TP53BP1: variants seen among roughly 807,000 people sequenced by gnomAD.
TP53BP1 encodes tumor protein p53 binding protein 1.
TP53BP1 carries 61 observed loss-of-function variants against 200.8 expected under a neutral mutation model. The ratio of observed to expected loss-of-function variants is 0.30; its 90% confidence interval spans 0.25 to 0.38. The LOEUF is 0.38. TP53BP1 is among the 10% of genes least tolerant of loss of function. TP53BP1 has a pLI of 1.00. For missense variants in TP53BP1, 2,144 were observed against 2,371.9 expected (o/e 0.90, Z 2.00); for synonymous variants, 822 against 844.3 (o/e 0.97, Z 0.46).
chr15:43,465,977 C>T (rs539134061), intron 11 of TP53BP1, among the ~76,000 whole-genome samples: 2 of 152,276 alleles, frequency 1.3e-5, no homozygotes, highest in East Asian at 3.9e-4. Context: ...TTAACAGCAG[C>T]ACTGGAAGTT....
chr15:43,497,224 T>C (rs1445918488), upstream of TP53BP1, among the ~76,000 whole-genome samples: 2 of 152,066 alleles, frequency 1.3e-5, no homozygotes, highest in Non-Finnish European at 2.9e-5. Flanking sequence ...TGAAACCCCG[T>C]CTCTATTAAA....
rs1255023568 is a variant in TP53BP1 at position 43,456,307 on chromosome 15, TTTC to T, written c.2298_2300del (p.Lys767del). 6.2e-7 allele frequency: 1 copy of T among 1,614,134 alleles called. No individual in the cohort carries two copies. ...AAACATCAACTCTGGGAGATGGCTC[TTTC>T]ACATCTACAATGACAACACTGGAGT... On this transcript the variant is annotated inframe_deletion, in exon 12 of 28. Transcript: ENST00000382044.
In TP53BP1 at chr15:43,403,988, G is replaced by C; in HGVS notation, c.*3395C>G. ...GCAGGTAATACTGTGCCACCTCACAGTGCTCAAAAATAGTTCAGTCCTGAA... is the reference window on the plus strand; with the variant it reads ...GCAGGTAATACTGTGCCACCTCACACTGCTCAAAAATAGTTCAGTCCTGAA... On this transcript the variant is annotated 3_prime_UTR_variant, in exon 28 of 28. Transcript: ENST00000382044. The C allele has an allele frequency of 1.7e-6, 1 of 591,552 alleles. No homozygotes were observed. Among genetic ancestry groups the C allele is most frequent in the Admixed American group, 3.0e-5 (1 of 33,876 alleles). The allele number at this position is 591,552 out of a possible 1,614,324, so 36.6% of individuals were successfully genotyped here.
At chr15:43,482,191 T>C (rs975200607) in intron 4 of TP53BP1, among the ~76,000 whole-genome samples, 1 of 151,898 alleles carries the variant, frequency 6.6e-6, no homozygotes, top group Non-Finnish European at 1.5e-5. Flanking sequence ...ATCGCGCCAC[T>C]GCACTCCAGC....
At position 43,420,536 on chromosome 15, in the gene TP53BP1, C is replaced by G; in HGVS notation, c.4450G>C (p.Ala1484Pro). ...AAAGPSDGLDASSPGNSFVGL... is the reference protein window; with the variant it reads ...AAAGPSDGLDPSSPGNSFVGL... ...ACAAAGCTATTTCCTGGAGAGGAGGCATCTAAGCCATCAGAAGGGCCAGCA... is the reference window on the plus strand; with the variant it reads ...ACAAAGCTATTTCCTGGAGAGGAGGGATCTAAGCCATCAGAAGGGCCAGCA... Residue 1484 changes from alanine to proline, a missense_variant, in exon 21 of 28, where the codon GCC becomes CCC. Ala to Pro is a conservative substitution (Grantham distance 27). Around this residue, in one of 4 missense-constraint regions of TP53BP1, gnomAD observed 49 missense variants for 60.7 expected, o/e 0.81. Coordinates refer to ENST00000382044, the MANE Select transcript of TP53BP1 (RefSeq NM_001141980.3). The G allele has an allele frequency of 6.2e-7, 1 of 1,614,170 alleles. No homozygotes were observed. Among genetic ancestry groups the G allele is most frequent in the Non-Finnish European group, 8.5e-7 (1 of 1,180,030 alleles).
intron 4 of TP53BP1, among the ~76,000 whole-genome samples, chr15:43,485,033 A>C (rs1460725036): frequency 3.3e-5 from 5 of 152,086 alleles, no homozygotes; most frequent in Admixed American, 2.0e-4. Flanking sequence ...CAAATGTCCT[A>C]TCAATGAAGC....
intron 1 of TP53BP1, among the ~76,000 whole-genome samples, chr15:43,506,667 A>G (rs1365715316): frequency 6.6e-6 from 1 of 152,220 alleles, no homozygotes; most frequent in Admixed American, 6.5e-5. Context: ...GAGAGCTCCC[A>G]AAAGATCATA....
In TP53BP1 at chr15:43,438,308, TA is replaced by T. The variant is rs2045847822; in HGVS notation, c.3191+15del. On this transcript the variant is annotated intron_variant, in intron 16 of 27. Transcript: ENST00000382044. ...AACCAATGGAGCCCAAAAGATTCTA[TA>T]AAAATAATGCTTACCTGATGGGTGT... 3 of 1,610,670 alleles carry T rather than the reference TA, an allele frequency of 1.9e-6. No individual in the cohort carries two copies. Among genetic ancestry groups the T allele is most frequent in the African/African-American group, 2.7e-5 (2 of 74,828 alleles).
intron 1 of TP53BP1, among the ~76,000 whole-genome samples, chr15:43,508,239 A>G (rs987187092): frequency 2.6e-5 from 4 of 152,144 alleles, no homozygotes; most frequent in African/African-American, 7.2e-5. Context: ...GCACGCCTGT[A>G]GTCCCAGCTA....
intron 21 of TP53BP1, among the ~76,000 whole-genome samples, chr15:43,419,415 A>G (rs2045341208): frequency 6.6e-6 from 1 of 151,908 alleles, no homozygotes; most frequent in South Asian, 2.1e-4. Context: ...GCTGGAGTGC[A>G]GTGTCATGAT....
At chr15:43,407,706 G>T in intron 27 of TP53BP1, 136 bp from the exon 28 acceptor site, 1 of 875,738 alleles carries the variant, frequency 1.1e-6, no homozygotes. Flanking sequence ...CACTGCTACT[G>T]ATCATGACCA....
chr15:43,475,815 C>A, intron 8 of TP53BP1, 121 bp from the exon 9 acceptor site: 1 of 1,249,492 alleles, frequency 8.0e-7, no homozygotes, highest in Middle Eastern at 2.8e-4. Flanking sequence ...TCCAAAAGGG[C>A]AGAAATTGTT....
At chr15:43,424,345 CA>C (rs2045476731) in intron 18 of TP53BP1, among the ~76,000 whole-genome samples, 1 of 152,164 alleles carries the variant, frequency 6.6e-6, no homozygotes, top group Admixed American at 6.6e-5. Context: ...TAACATTCTC[CA>C]AATCACCCTC....
At position 43,428,129 on chromosome 15, in the gene TP53BP1, G is replaced by T. The variant is rs749007329; in HGVS notation, c.3715C>A (p.His1239Asn). The change falls in exon 18 of 28, where the codon CAT (histidine) becomes AAT (asparagine). Residue 1239 changes from histidine (H) to asparagine (N), a missense_variant. Physicochemically the swap from His to Asn is moderately conservative, Grantham distance 68. This residue lies in a region of TP53BP1 where 1,700 missense variants were observed against 1,710.3 expected (regional missense o/e 0.99). Transcript: ENST00000382044. ...GTTCTCATGTGACGATGTAAGACAT[G>T]GCCATGTGGAGGCTGAGGCATATCA... ...EFDMPQPPHG[H>N]VLHRHMRTIR... 1.2e-5 allele frequency: 20 copies of T among 1,613,572 alleles called. No homozygotes were observed. Among genetic ancestry groups the T allele is most frequent in the Non-Finnish European group, 1.5e-5 (18 of 1,179,698 alleles).
chr15:43,416,494 C>T (rs2045268787), intron 21 of TP53BP1, 78 bp from the exon 22 acceptor site: 1 of 1,417,828 alleles, frequency 7.1e-7, no homozygotes, highest in Non-Finnish European at 9.6e-7. Flanking sequence ...CTCTGTAAAG[C>T]AGGCCTGAGT....
chr15:43,453,865 TA>T lies in TP53BP1; in HGVS notation c.2716+2026del, dbSNP rs1195935261. Reference sequence around the variant, plus strand: ...CGGCCAATAGGGACAATTTAAAAACTAAAAAAAAAGTACTATTAATAATCAC... The same window carrying T: ...CGGCCAATAGGGACAATTTAAAAACTAAAAAAAAGTACTATTAATAATCAC... On this transcript the variant is annotated intron_variant, in intron 12 of 27. Transcript: ENST00000382044. Among the ~76,000 whole-genome samples the T allele has an allele frequency of 6.1e-5, 9 of 146,774 alleles. No individual in the cohort carries two copies. The East Asian group carries it at 1.3e-3, about 21-fold the overall frequency.
rs1188817241 is a variant in TP53BP1 at position 43,491,682 on chromosome 15, T to C, written c.358A>G (p.Asn120Asp). ...AACACTGTATACCTGCTTGTCCTGT[T>C]TGGCTGAGGTAACTGCTCAATGACC... is the stretch of plus-strand genomic sequence containing the variant. ...SQVIEQLPQP[N>D]RTSSVLGMSV... Residue 120 changes from asparagine to aspartate, a missense_variant, in exon 4 of 28, where the codon AAC becomes GAC. This residue lies in a region of TP53BP1 where 1,700 missense variants were observed against 1,710.3 expected (regional missense o/e 0.99). Coordinates refer to ENST00000382044, the MANE Select transcript of TP53BP1 (RefSeq NM_001141980.3). The C allele has an allele frequency of 2.5e-6, 4 of 1,613,496 alleles. No homozygotes were observed. Among genetic ancestry groups the C allele is most frequent in the South Asian group, 1.1e-5 (1 of 91,078 alleles).
At position 43,407,036 on chromosome 15, in the gene TP53BP1, A is replaced by C. The variant is rs774304918; in HGVS notation, c.*347T>G. ...TTTCTGCAAGCATAGCATTTTAGAC[A>C]CCCTGGAATAACCTTTTGGGAATGA... On this transcript the variant is annotated 3_prime_UTR_variant, in exon 28 of 28. Transcript: ENST00000382044. 1.2e-5 allele frequency: 3 copies of C among 245,670 alleles called. No homozygotes were observed. The highest frequency in any genetic ancestry group is 2.4e-5 in the Non-Finnish European group (3 of 124,986). The allele number at this position is 245,670 out of a possible 1,614,324, so 15.2% of individuals were successfully genotyped here.
Position 43,475,581 on chromosome 15 carries a change from G to T in TP53BP1, c.1069C>A (p.Gln357Lys). The change falls in exon 9 of 28, where the codon CAG (glutamine) becomes AAG (lysine). Residue 357 changes from glutamine (Q) to lysine (K), a missense_variant. By Grantham distance (53) the Gln-to-Lys change is moderately conservative. Coordinates refer to ENST00000382044, the MANE Select transcript of TP53BP1 (RefSeq NM_001141980.3). The stretch of plus-strand genomic sequence containing the variant: ...CTTACTTACGTGGAAAGACTGTCCT[G>T]AACAAGGGACCTCTGACCAGAGAGC... ...LQLSGQRSLV[Q>K]DSLSTNSSDL... The T allele has an allele frequency of 3.1e-6, 5 of 1,614,130 alleles. No homozygotes were observed. The highest frequency in any genetic ancestry group is 4.2e-6 in the Non-Finnish European group (5 of 1,180,030).
Sources: gnomAD v4.1 joint callset for allele counts (sites outside exome capture counted in the v4.1 genomes callset) on GRCh38, gnomAD v4.1.1 for gene constraint, gnomAD v4.1.1 regional missense constraint, MANE v1.5 for transcripts, NCBI Gene and HGNC (gene_info 2026-07-23, HGNC 2026-07-21) for gene names.